The following RBFOX1 variants were observed in gnomAD, a reference collection of about 807,000 sequenced individuals.
The protein encoded by RBFOX1 is RNA binding fox-1 homolog 1.
Under a neutral mutation model 57.7 loss-of-function variants are expected in RBFOX1, and 8 were observed. The observed-to-expected ratio is 0.14, with a 90% confidence interval of 0.08 to 0.25. RBFOX1 has a LOEUF of 0.25. Among genes scored for constraint, RBFOX1 ranks in the 10% least tolerant of loss-of-function variants. The pLI is 1.00. For synonymous variants in RBFOX1, 326 were observed against 222.4 expected (o/e 1.47, Z -4.15); for missense variants, 611 against 548.5 (o/e 1.11, Z -1.14).
intron 3 of RBFOX1, among the ~76,000 whole-genome samples, chr16:6,783,137 G>C (rs1252695316): frequency 6.6e-6 from 1 of 151,860 alleles, no homozygotes; most frequent in Admixed American, 6.6e-5. Context: ...AGGTAAAAAT[G>C]AGTTCCTTAT....
At chr16:5,974,195 G>T (rs1192253642) in intron 4 of RBFOX1, among the ~76,000 whole-genome samples, 2 of 152,148 alleles carry the variant, frequency 1.3e-5, no homozygotes, top group East Asian at 1.9e-4. Flanking sequence ...GATCCAATTT[G>T]GTTTAGCCCT....
At position 7,660,115 on chromosome 16, in the gene RBFOX1, A is replaced by G. The variant is rs530436147; in HGVS notation, c.891-4814A>G. Among the ~76,000 whole-genome samples, 107 of 152,300 alleles carry G rather than the reference A, an allele frequency of 7.0e-4. 1 individual carries two copies. Among genetic ancestry groups the G allele is most frequent in the African/African-American group, 2.4e-3 (100 of 41,568 alleles). On this transcript the variant is annotated intron_variant, in intron 12 of 15. Coordinates refer to ENST00000550418, the MANE Select transcript of RBFOX1 (RefSeq NM_018723.4). ...TGGCTGGTATATATCATATTACACGAGCAGATTGTATAGTTTGGGCATTTT... is the reference window on the plus strand; with the variant it reads ...TGGCTGGTATATATCATATTACACGGGCAGATTGTATAGTTTGGGCATTTT...
intron 3 of RBFOX1, among the ~76,000 whole-genome samples, chr16:6,893,485 C>A (rs117557580): frequency 9.7e-4 from 148 of 152,252 alleles, no homozygotes; most frequent in South Asian, 2.9e-3. Flanking sequence ...ATAGAGAGGT[C>A]CCTTGTCAGT....
chr16:5,680,885 G>T (rs1337998357), intron 3 of RBFOX1, among the ~76,000 whole-genome samples: 1 of 142,974 alleles, frequency 7.0e-6, no homozygotes, highest in African/African-American at 2.6e-5. Flanking sequence ...GCCCTATAGA[G>T]CTTGTATTTG....
chr16:5,884,026 G>T (rs35311763), intron 4 of RBFOX1, among the ~76,000 whole-genome samples: 69,136 of 151,952 alleles, frequency 0.45, 16,309 homozygotes, highest in African/African-American at 0.58. Flanking sequence ...TTGTGACTTA[G>T]TGTACCACTT....
In RBFOX1 at chr16:7,462,121, A is replaced by G. The variant is rs56820666; in HGVS notation, c.28-56026A>G. ...TTTGGCCTGACATACCAGGGAAGCTACTACCTCTGTGAAGTTGTGGAGGGC... is the reference window on the plus strand; with the variant it reads ...TTTGGCCTGACATACCAGGGAAGCTGCTACCTCTGTGAAGTTGTGGAGGGC... On this transcript the variant is annotated intron_variant, in intron 4 of 15. Transcript: ENST00000550418. 8.1e-3 allele frequency among the ~76,000 whole-genome samples: 1,240 copies of G among 152,294 alleles called. 13 individuals are homozygous for G. Among genetic ancestry groups the G allele is most frequent in the African/African-American group, 0.028 (1,144 of 41,562 alleles).
intron 1 of RBFOX1, among the ~76,000 whole-genome samples, chr16:6,224,305 C>G (rs1238509904): frequency 1.3e-5 from 2 of 151,976 alleles, no homozygotes; most frequent in Admixed American, 6.6e-5. Context: ...GCAGTATGGC[C>G]ATTTTCACGA....
chr16:6,614,063 T>G (rs2098109984), intron 2 of RBFOX1, among the ~76,000 whole-genome samples: 1 of 152,246 alleles, frequency 6.6e-6, no homozygotes, highest in Admixed American at 6.5e-5. Context: ...CCTTTCTACA[T>G]TGTAAGTTGC....
intron 2 of RBFOX1, among the ~76,000 whole-genome samples, chr16:5,541,214 G>C (rs1209758034): frequency 6.6e-6 from 1 of 152,096 alleles, no homozygotes; most frequent in Non-Finnish European, 1.5e-5. Flanking sequence ...AGAAGCCCTG[G>C]AGTAGAGAAT....
At chr16:6,977,363 T>C (rs2087306176) in intron 3 of RBFOX1, among the ~76,000 whole-genome samples, 1 of 152,100 alleles carries the variant, frequency 6.6e-6, no homozygotes, top group Non-Finnish European at 1.5e-5. Context: ...ATGCCTTTGT[T>C]CTCTAGATAC....
intron 2 of RBFOX1, among the ~76,000 whole-genome samples, chr16:6,325,286 G>A (rs2082249687): frequency 6.6e-6 from 1 of 152,170 alleles, no homozygotes; most frequent in Admixed American, 6.5e-5. Flanking sequence ...ATGAGCCCAG[G>A]AATCCAAGGC....
intron 3 of RBFOX1, among the ~76,000 whole-genome samples, chr16:6,863,581 C>G (rs71374914): frequency 6.7e-6 from 1 of 148,196 alleles, no homozygotes; most frequent in Non-Finnish European, 1.5e-5. Context: ...AAGATGTGAT[C>G]TGTTCCTGGA....
chr16:6,910,195 G>A (rs956497849), intron 3 of RBFOX1, among the ~76,000 whole-genome samples: 1 of 151,994 alleles, frequency 6.6e-6, no homozygotes, highest in Non-Finnish European at 1.5e-5. Context: ...AGCAGAAAAT[G>A]GGAAAAGAGA....
chr16:5,686,139 T>C (rs2050498685), intron 3 of RBFOX1, among the ~76,000 whole-genome samples: 1 of 152,180 alleles, frequency 6.6e-6, no homozygotes, highest in South Asian at 2.1e-4. Flanking sequence ...TGGATGTTAC[T>C]TGTGTGAATT....
At chr16:6,093,811 G>T (rs1220412475) in intron 1 of RBFOX1, among the ~76,000 whole-genome samples, 1 of 151,732 alleles carries the variant, frequency 6.6e-6, no homozygotes, top group African/African-American at 2.4e-5. Context: ...TAAAGATGGG[G>T]GTCTCACTGT....
chr16:6,114,578 T>G (rs35522676), intron 1 of RBFOX1, among the ~76,000 whole-genome samples: 5,955 of 152,268 alleles, frequency 0.039, 197 homozygotes, highest in African/African-American at 0.082. Context: ...GGAGGGGGCG[T>G]AACTTATGGA....
At chr16:6,910,633 C>T (rs186892859) in intron 3 of RBFOX1, among the ~76,000 whole-genome samples, 1 of 152,172 alleles carries the variant, frequency 6.6e-6, no homozygotes, top group Non-Finnish European at 1.5e-5. Context: ...AGTTTCCCAT[C>T]TTTGTCAGTT....
At chr16:7,067,950 C>A (rs2056489877) in intron 4 of RBFOX1, among the ~76,000 whole-genome samples, 1 of 130,988 alleles carries the variant, frequency 7.6e-6, no homozygotes, top group South Asian at 2.3e-4. Context: ...TAGAGGGCGC[C>A]ATTTTTTTTT....
At position 5,246,735 on chromosome 16, in the gene RBFOX1, A is replaced by G. The variant is rs554955419; in HGVS notation, c.219+6630A>G. On this transcript the variant is annotated intron_variant, in intron 1 of 2. Coordinates refer to the RBFOX1 transcript ENST00000585867. ...GCCCAGGCTGTAGTGCAGGGGTGTG[A>G]TCTTGGCTGACTGCAGCCTTGGCCT... is the stretch of plus-strand genomic sequence containing the variant. 5.8e-4 allele frequency among the ~76,000 whole-genome samples: 87 copies of G among 149,158 alleles called. 1 individual carries two copies. The highest frequency in any genetic ancestry group is 2.1e-3 in the African/African-American group (83 of 40,270).
Sources: allele counts gnomAD v4.1 joint callset (sites outside exome capture counted in the v4.1 genomes callset), GRCh38; gene constraint gnomAD v4.1.1; transcripts MANE v1.5; gene names NCBI Gene and HGNC (gene_info 2026-07-23, HGNC 2026-07-21).